The following LRRC1 variants were observed in gnomAD, a reference collection of about 807,000 sequenced individuals.
LRRC1 encodes the protein leucine-rich repeat-containing protein 1.
Under a neutral mutation model 69.9 loss-of-function variants are expected in LRRC1, and 28 were observed. The observed-to-expected ratio is 0.40, with a 90% CI of 0.30 to 0.55. The LOEUF is 0.55. Among genes scored for constraint, LRRC1 ranks in the 20% least tolerant of loss-of-function variants. The pLI is 0.47. For missense variants in LRRC1, 498 were observed against 609.0 expected (o/e 0.82, Z 1.92); for synonymous variants, 236 against 240.2 (o/e 0.98, Z 0.16).
intron 1 of LRRC1, among the ~76,000 whole-genome samples, chr6:53,800,315 G>A (rs1036842503): frequency 2.3e-5 from 3 of 130,178 alleles, no homozygotes; most frequent in African/African-American, 8.9e-5. Context: ...GCAGTGGCGC[G>A]ATCTCAGCTC....
At chr6:53,910,394 A>G (rs976136509) in intron 10 of LRRC1, among the ~76,000 whole-genome samples, 2 of 152,200 alleles carry the variant, frequency 1.3e-5, no homozygotes, top group African/African-American at 4.8e-5. Flanking sequence ...TGAACCCAAA[A>G]GAGAAAGCCA....
intron 9 of LRRC1, 115 bp from the exon 10 acceptor site, chr6:53,904,264 A>G (rs1216500607): frequency 3.2e-6 from 2 of 620,598 alleles, no homozygotes; most frequent in Non-Finnish European, 5.7e-6. Flanking sequence ...AGCAAGAACT[A>G]TTGCTTCTGT....
chr6:53,813,006 CCTATGGAA>C (rs2127406219), intron 1 of LRRC1, among the ~76,000 whole-genome samples: 1 of 151,994 alleles, frequency 6.6e-6, no homozygotes, highest in South Asian at 2.1e-4. Flanking sequence ...GCTGGTTCTA[CCTATGGAA>C]TAGGGAGTGG....
intron 2 of LRRC1, among the ~76,000 whole-genome samples, chr6:53,870,660 TTTAG>T (rs1247268886): frequency 2.0e-5 from 3 of 152,210 alleles, no homozygotes; most frequent in Admixed American, 1.3e-4. Context: ...AATCTTCTCT[TTTAG>T]TTATTTTGAA....
At chr6:53,914,798 A>C (rs1251008837) in intron 11 of LRRC1, among the ~76,000 whole-genome samples, 1 of 152,066 alleles carries the variant, frequency 6.6e-6, no homozygotes, top group Non-Finnish European at 1.5e-5. Context: ...CTCCTTTCTG[A>C]ATCTGCATTT....
chr6:53,815,128 TG>T (rs1236872363), intron 1 of LRRC1, among the ~76,000 whole-genome samples: 4 of 45,856 alleles, frequency 8.7e-5, no homozygotes, highest in African/African-American at 3.5e-4. Flanking sequence ...CCCATTATGT[TG>T]GGGTGGGGGT....
chr6:53,912,300 C>A (rs118136198), intron 10 of LRRC1, among the ~76,000 whole-genome samples: 1 of 152,064 alleles, frequency 6.6e-6, no homozygotes, highest in Non-Finnish European at 1.5e-5. Flanking sequence ...TGGACCAAAG[C>A]GTTCTGTGAA....
chr6:53,884,184 T>C, intron 4 of LRRC1: 1 of 583,536 alleles, frequency 1.7e-6, no homozygotes, highest in Non-Finnish European at 3.0e-6. Flanking sequence ...TCACTTTTGC[T>C]GTATCAAGTG....
chr6:53,877,275 C>A (rs528715585), intron 2 of LRRC1, among the ~76,000 whole-genome samples: 3 of 152,256 alleles, frequency 2.0e-5, no homozygotes, highest in African/African-American at 4.8e-5. Flanking sequence ...ACATGGGGAC[C>A]CTGGACCGGG....
At chr6:53,912,576 TA>T (rs1168295261) in intron 10 of LRRC1, among the ~76,000 whole-genome samples, 1 of 152,210 alleles carries the variant, frequency 6.6e-6, no homozygotes, top group African/African-American at 2.4e-5. Flanking sequence ...TTTTCTTTTA[TA>T]TACATTATGG....
intron 1 of LRRC1, among the ~76,000 whole-genome samples, chr6:53,837,004 TTCACTGAACATTATCTC>T (rs1276640080): frequency 6.6e-6 from 1 of 152,202 alleles, no homozygotes; most frequent in East Asian, 1.9e-4. Flanking sequence ...CCTGGCTTTA[TTCACTGAACATTATCTC>T]TAAGATTCAT....
chr6:53,919,504 G>T lies in LRRC1; in HGVS notation c.1113G>T (p.Leu371=). ...HVLDVAGNRL[L]HLPLSLTALK... ...AAAAAAAAAAAAAAAACAGGTTGCT[G>T]CATCTACCTTTATCCCTGACTGCCT... is the stretch of plus-strand genomic sequence containing the variant. Residue 371 remains leucine, a synonymous_variant, in exon 12 of 14, where the codon CTG becomes CTT. Transcript: ENST00000370888. 1.3e-6 allele frequency: 2 copies of T among 1,547,166 alleles called. No homozygotes were observed. The highest frequency in any genetic ancestry group is 1.4e-5 in the African/African-American group (1 of 69,982).
At chr6:53,900,187 G>A (rs1030978093) in intron 8 of LRRC1, among the ~76,000 whole-genome samples, 3 of 151,834 alleles carry the variant, frequency 2.0e-5, no homozygotes, top group African/African-American at 7.3e-5. Flanking sequence ...ACAGGCGCCC[G>A]CCACCACGCC....
At chr6:53,802,316 T>TA (rs1764509895) in intron 1 of LRRC1, among the ~76,000 whole-genome samples, 1 of 152,172 alleles carries the variant, frequency 6.6e-6, no homozygotes, top group Non-Finnish European at 1.5e-5. Context: ...GAGGAAAAGA[T>TA]AGAGTACCTG....
At chr6:53,806,637 T>C (rs769897373) in intron 1 of LRRC1, among the ~76,000 whole-genome samples, 1 of 152,162 alleles carries the variant, frequency 6.6e-6, no homozygotes, top group Non-Finnish European at 1.5e-5. Flanking sequence ...TGTCCCAGAG[T>C]GAACCTTTGA....
intron 2 of LRRC1, among the ~76,000 whole-genome samples, chr6:53,877,253 A>G (rs1321089471): frequency 1.3e-5 from 2 of 152,170 alleles, no homozygotes; most frequent in Non-Finnish European, 2.9e-5. Context: ...CCAGGTCCCT[A>G]GACTGCACAC....
At chr6:53,876,272 G>T (rs141410806) in intron 2 of LRRC1, among the ~76,000 whole-genome samples, 18 of 152,224 alleles carry the variant, frequency 1.2e-4, no homozygotes, top group African/African-American at 4.3e-4. Context: ...GAACAGCTCA[G>T]AAAGACCTGC....
intron 1 of LRRC1, among the ~76,000 whole-genome samples, chr6:53,828,137 A>G (rs1224736298): frequency 1.4e-5 from 2 of 147,056 alleles, no homozygotes; most frequent in African/African-American, 2.5e-5. Flanking sequence ...AATAGAACCC[A>G]TTGGAGAGTT....
chr6:53,845,935 C>T (rs1198877330), intron 2 of LRRC1, among the ~76,000 whole-genome samples: 1 of 152,180 alleles, frequency 6.6e-6, no homozygotes, highest in Non-Finnish European at 1.5e-5. Flanking sequence ...CCCTCAGGCA[C>T]CCCTGCACCC....
Sources: gnomAD v4.1 joint callset for allele counts (sites outside exome capture counted in the v4.1 genomes callset) on GRCh38, gnomAD v4.1.1 for gene constraint, MANE v1.5 for transcripts, NCBI Gene and HGNC (gene_info 2026-07-23, HGNC 2026-07-21) for gene names.